PAH: variants seen among roughly 807,000 people sequenced by gnomAD.
The protein encoded by PAH is phenylalanine hydroxylase, also known as phenylalanine-4-hydroxylase.
PAH carries 64 observed loss-of-function variants against 62.0 expected under a neutral mutation model. The ratio of observed to expected loss-of-function variants is 1.03; its 90% CI spans 0.84 to 1.27. The LOEUF is 1.27. Ranked by LOEUF, PAH falls within the 50% of genes most tolerant of loss-of-function variation. The pLI is 0.00. For synonymous variants in PAH, 195 were observed against 196.2 expected, an observed-to-expected ratio of 0.99 and a Z score of 0.05; for missense variants, 579 against 542.8, an observed-to-expected ratio of 1.07 and a Z score of -0.66.
intron 2 of PAH, among the ~76,000 whole-genome samples, chr12:102,910,686 T>C (rs1878171421): frequency 6.6e-6 from 1 of 152,152 alleles, no homozygotes; most frequent in South Asian, 2.1e-4. Flanking sequence ...TTTGAATTTG[T>C]GTTTCATAAG....
chr12:102,921,874 T>C (rs1301906235), upstream of PAH, among the ~76,000 whole-genome samples: 1 of 152,202 alleles, frequency 6.6e-6, no homozygotes, highest in East Asian at 1.9e-4. Context: ...AAGTTATCCC[T>C]TATATTTTAA....
chr12:102,894,980 CAGAACCAGAACAGG>C, intron 2 of PAH, 62 bp from the exon 3 acceptor site: 1 of 1,179,228 alleles, frequency 8.5e-7, no homozygotes, highest in South Asian at 1.2e-5. Context: ...GCCAAAGATG[CAGAACCAGAACAGG>C]AAAACCTAAC....
chr12:102,866,806 T>A, intron 4 of PAH, 143 bp from the exon 5 acceptor site: 1 of 739,402 alleles, frequency 1.4e-6, no homozygotes, highest in Non-Finnish European at 2.5e-6. Context: ...AAGTCTCGGT[T>A]AAACTTAGCT....
At chr12:102,870,984 A>G (rs986921217) in intron 4 of PAH, among the ~76,000 whole-genome samples, 11 of 152,126 alleles carry the variant, frequency 7.2e-5, no homozygotes, top group African/African-American at 1.9e-4. Context: ...CCAGCAATCA[A>G]TTTCTGCCCA....
rs143156931 is a variant in PAH at position 102,924,964 on chromosome 12, G to A, written c.-95-7739C>T. Among the ~76,000 whole-genome samples the A allele has an allele frequency of 2.0e-3, 307 of 152,294 alleles. 1 individual carries two copies. The highest frequency in any genetic ancestry group is 6.9e-3 in the African/African-American group (285 of 41,564). The stretch of plus-strand genomic sequence containing the variant: ...GCCTAGAAGTTACACTGATGTTCAG[G>A]AATTGCTTGGCAAGTTGATAGGAAA... On this transcript the variant is annotated intron_variant, in intron 1 of 3. Transcript: ENST00000546844.
At chr12:102,950,025 G>A (rs1023632973) in intron 1 of PAH, 2 of 152,174 alleles carry the variant, frequency 1.3e-5, no homozygotes, top group Middle Eastern at 3.2e-3. Context: ...CATCTTAGAT[G>A]ATTAGCATAT....
At chr12:102,863,754 A>C (rs1272859302) in intron 5 of PAH, among the ~76,000 whole-genome samples, 2 of 152,178 alleles carry the variant, frequency 1.3e-5, no homozygotes, top group Non-Finnish European at 2.9e-5. Flanking sequence ...GCCTGAGCCT[A>C]AACTACCCGC....
chr12:102,907,303 G>A (rs1454208786), intron 2 of PAH, among the ~76,000 whole-genome samples: 2 of 152,214 alleles, frequency 1.3e-5, no homozygotes, highest in African/African-American at 2.4e-5. Flanking sequence ...GAGTGATTCA[G>A]ATGTTCAGGG....
chr12:102,924,770 C>T (rs1455637655), intron 1 of PAH, among the ~76,000 whole-genome samples: 1 of 152,078 alleles, frequency 6.6e-6, no homozygotes, highest in East Asian at 1.9e-4. Flanking sequence ...ACTGTATGCT[C>T]AGCATACACC....
rs571808436 is a variant in PAH, at chr12:102,838,167, C to T, written c.*1008G>A. On this transcript the variant is annotated 3_prime_UTR_variant, in exon 13 of 13. Transcript: ENST00000553106. The stretch of plus-strand genomic sequence containing the variant: ...ACAAAAGTCAAAGTCCGTTGACTGT[C>T]CAGGCATGACTTTGAGTGTCACAAG... The T allele has an allele frequency of 6.6e-6, 1 of 152,276 alleles. No individual in the cohort carries two copies. Among genetic ancestry groups the T allele is most frequent in the African/African-American group, 2.4e-5 (1 of 41,564 alleles). 9.4% of individuals were successfully genotyped at this position (152,276 alleles called of 1,614,324 possible).
intron 1 of PAH, among the ~76,000 whole-genome samples, chr12:102,922,391 A>G (rs575085086): frequency 6.6e-6 from 1 of 151,990 alleles, no homozygotes; most frequent in South Asian, 2.1e-4. Flanking sequence ...ACAGTGTTTC[A>G]TCATGTTGGC....
chr12:102,910,378 T>G (rs1483638279), intron 2 of PAH, among the ~76,000 whole-genome samples: 1 of 150,420 alleles, frequency 6.6e-6, no homozygotes, highest in African/African-American at 2.4e-5. Context: ...ATTCCTTTTT[T>G]TTTTTTTTTG....
intron 3 of PAH, among the ~76,000 whole-genome samples, 177 bp from the exon 4 acceptor site, chr12:102,877,727 T>G (rs147014784): frequency 1.8e-3 from 281 of 152,368 alleles, no homozygotes; most frequent in Non-Finnish European, 3.3e-3. Flanking sequence ...GAAACCGGTT[T>G]TAAAACCCAT....
At chr12:102,868,874 A>G (rs1269211546) in intron 4 of PAH, among the ~76,000 whole-genome samples, 2 of 152,194 alleles carry the variant, frequency 1.3e-5, no homozygotes, top group African/African-American at 4.8e-5. Context: ...AATAGTTAGT[A>G]GTGAATAGTT....
At chr12:102,939,058 C>A (rs1879202575) in intron 1 of PAH, among the ~76,000 whole-genome samples, 1 of 152,030 alleles carries the variant, frequency 6.6e-6, no homozygotes, top group Non-Finnish European at 1.5e-5. Flanking sequence ...ATGCCTCAGC[C>A]ACCATACAGA....
At chr12:102,842,379 C>A (rs1158435238) in intron 11 of PAH, among the ~76,000 whole-genome samples, 1 of 152,118 alleles carries the variant, frequency 6.6e-6, no homozygotes, top group Non-Finnish European at 1.5e-5. Flanking sequence ...TTAGGCCACA[C>A]CAAGTGGATT....
At chr12:102,853,070 G>A (rs186666562) in intron 6 of PAH, 120 bp from the exon 7 acceptor site, 2 of 1,074,706 alleles carry the variant, frequency 1.9e-6, no homozygotes, top group Admixed American at 4.0e-5. Context: ...TTTGACGCTA[G>A]GCAGACTTGG....
chr12:102,958,061 A>C, intron 1 of PAH: 1 of 427,366 alleles, frequency 2.3e-6, no homozygotes. Context: ...TTTTGCTCCC[A>C]CTCTAAGAAG....
At chr12:102,839,308 T>C in intron 12 of PAH, 90 bp from the exon 13 acceptor site, 2 of 1,279,440 alleles carry the variant, frequency 1.6e-6, no homozygotes, top group Admixed American at 1.7e-5. Context: ...AGGGGATAAG[T>C]GGGCTTCTTG....
Sources: gnomAD v4.1 joint callset for allele counts (sites outside exome capture counted in the v4.1 genomes callset) on GRCh38, gnomAD v4.1.1 for gene constraint, MANE v1.5 for transcripts, NCBI Gene and HGNC (gene_info 2026-07-23, HGNC 2026-07-21) for gene names.